The following TLE6 variants were observed in gnomAD, a reference collection of about 807,000 sequenced individuals.
The protein encoded by TLE6 is transducin-like enhancer protein 6.
Under a neutral mutation model 77.1 loss-of-function variants are expected in TLE6, and 72 were observed. The ratio of observed to expected loss-of-function variants is 0.93; its 90% confidence interval spans 0.77 to 1.14. The LOEUF is 1.14. Among genes scored for constraint, TLE6 ranks in the 50% most tolerant of loss-of-function variants. The probability of loss-of-function intolerance (pLI) is 0.00; values close to 1 mark genes in which losing one functional copy is unlikely to be tolerated. For missense variants in TLE6, 843 were observed against 747.6 expected (o/e 1.13, Z -1.49); for synonymous variants, 366 against 287.3 (o/e 1.27, Z -2.77).
rs766166831 is a variant in TLE6, at chr19:2,987,190, C to G, written c.493C>G (p.Arg165Gly). 11 of 1,614,054 alleles carry G rather than the reference C, an allele frequency of 6.8e-6. No individual in the cohort carries two copies. The highest frequency in any genetic ancestry group is 8.5e-6 in the Non-Finnish European group (10 of 1,180,034). ...WHDTLTEQLW[R>G]IFAGVHDEKA... Reference sequence around the variant, plus strand: ...CGACACTCTGACCGAGCAACTCTGGCGGATTTTTGCCGGCGTCCACGATGA... The same window carrying G: ...CGACACTCTGACCGAGCAACTCTGGGGGATTTTTGCCGGCGTCCACGATGA... Residue 165 changes from arginine to glycine, a missense_variant, in exon 7 of 17, where the codon CGG becomes GGG. Transcript: ENST00000246112.
intron 4 of TLE6, among the ~76,000 whole-genome samples, chr19:2,981,875 G>A (rs1023030247): frequency 2.0e-5 from 3 of 152,060 alleles, no homozygotes; most frequent in African/African-American, 7.2e-5. Context: ...GGGAGGCTGA[G>A]GCAGGAGAAT....
intron 8 of TLE6, 127 bp downstream of exon 8, chr19:2,987,499 C>T (rs1158574760): frequency 1.5e-5 from 21 of 1,410,114 alleles, no homozygotes; most frequent in Middle Eastern, 2.4e-4. Context: ...TCGGGTCCCC[C>T]GGGGGGGACT....
chr19:2,978,363 C>T (rs544968975), intron 2 of TLE6, 79 bp downstream of exon 2: 71 of 1,442,952 alleles, frequency 4.9e-5, no homozygotes, highest in Admixed American at 7.9e-5. Flanking sequence ...CCACCTGTGA[C>T]CTGGGCTGGC....
chr19:2,987,170 C>G lies in TLE6; in HGVS notation c.473C>G (p.Thr158Ser). The change falls in exon 7 of 17, where the codon ACT (threonine) becomes AGT (serine). Residue 158 changes from threonine (T) to serine (S), a missense_variant. Thr to Ser is a moderately conservative substitution (Grantham distance 58). Transcript: ENST00000246112. Reference sequence around the variant, plus strand: ...AAGGAGCCTTGGTTTTGGCACGACACTCTGACCGAGCAACTCTGGCGGATT... The same window carrying G: ...AAGGAGCCTTGGTTTTGGCACGACAGTCTGACCGAGCAACTCTGGCGGATT... ...WDKEPWFWHD[T>S]LTEQLWRIFA... 1 of 1,614,094 alleles carries G rather than the reference C, an allele frequency of 6.2e-7. No individual in the cohort carries two copies. Among genetic ancestry groups the G allele is most frequent in the Non-Finnish European group, 8.5e-7 (1 of 1,180,018 alleles).
rs757012552 is a variant in TLE6 at position 2,987,064 on chromosome 19, A to G, written c.367A>G (p.Ile123Val). ...KTLQESSFED[I>V]MATRSSDWLR... ...CCTGCAGGAGTCGAGCTTTGAGGAC[A>G]TCATGGCCACCAGGTCCTCCGACTG... Residue 123 changes from isoleucine to valine, a missense_variant, in exon 7 of 17, where the codon ATC (isoleucine) becomes GTC (valine). Physicochemically the swap from Ile to Val is conservative, Grantham distance 29 (BLOSUM62 3). Coordinates refer to ENST00000246112, the MANE Select transcript of TLE6 (RefSeq NM_001143986.2). The G allele has an allele frequency of 2.5e-6, 4 of 1,614,162 alleles. No individual in the cohort carries two copies. The highest frequency in any genetic ancestry group is 1.1e-5 in the South Asian group (1 of 91,090).
chr19:2,985,631 G>C (rs1035906604), intron 5 of TLE6, among the ~76,000 whole-genome samples: 2 of 145,658 alleles, frequency 1.4e-5, no homozygotes, highest in Middle Eastern at 3.7e-3. Flanking sequence ...ATGTTAGCCA[G>C]GATGGTCTCA....
chr19:2,990,970 G>C (rs542973217), intron 13 of TLE6, among the ~76,000 whole-genome samples: 1 of 151,448 alleles, frequency 6.6e-6, no homozygotes, highest in South Asian at 2.1e-4. Flanking sequence ...ACTCCAGCCT[G>C]GGTCACAGAG....
chr19:2,983,079 C>T (rs560643855), intron 5 of TLE6, among the ~76,000 whole-genome samples: 9 of 152,260 alleles, frequency 5.9e-5, no homozygotes, highest in African/African-American at 1.2e-4. Flanking sequence ...CAGGATTTTC[C>T]GCCTGTGCCA....
chr19:2,986,932 G>C, intron 6 of TLE6, 41 bp downstream of exon 6: 2 of 1,554,426 alleles, frequency 1.3e-6, no homozygotes, highest in Non-Finnish European at 1.7e-6. Context: ...GGACAGGCTT[G>C]GGTGAAGGCT....
chr19:2,988,384 C>T (rs1469243715), intron 11 of TLE6, among the ~76,000 whole-genome samples: 17 of 152,160 alleles, frequency 1.1e-4, no homozygotes, highest in Admixed American at 1.0e-3. Context: ...ATCACGAGGT[C>T]AGGAGATTGA....
rs1312880813 is a variant in TLE6, at chr19:2,993,441, C to T, written c.1396C>T (p.Leu466=). The T allele has an allele frequency of 3.7e-6, 6 of 1,601,852 alleles. No individual in the cohort carries two copies. Among genetic ancestry groups the T allele is most frequent in the Non-Finnish European group, 5.1e-6 (6 of 1,170,768 alleles). The change falls in exon 15 of 17, where the codon CTG becomes TTG. Residue 466 remains leucine (L), a synonymous_variant. Transcript: ENST00000246112. ...ACTGCCCATTACCTAGATAATGAGC[C>T]TGTCCCACAGCCCCCAGGAGGACTG... ...EYQFKSQIMS[L]SHSPQEDWVL...
At chr19:2,982,399 G>C (rs762545771) in intron 5 of TLE6, among the ~76,000 whole-genome samples, 1 of 151,626 alleles carries the variant, frequency 6.6e-6, no homozygotes, top group Admixed American at 6.6e-5. Context: ...TTAGCCAGGC[G>C]TGGTGGCGGG....
chr19:2,991,195 A>G (rs1483295677), intron 13 of TLE6, among the ~76,000 whole-genome samples: 1 of 150,170 alleles, frequency 6.7e-6, no homozygotes, highest in Admixed American at 6.7e-5. Context: ...CCCCATCTCT[A>G]CTAAAAATAC....
chr19:2,992,066 T>G, intron 14 of TLE6, 82 bp downstream of exon 14: 1 of 1,537,050 alleles, frequency 6.5e-7, no homozygotes, highest in Non-Finnish European at 8.9e-7. Context: ...CCGGGCTCCG[T>G]GGCTCACGCC....
At chr19:2,979,741 C>A (rs1193771667) in intron 2 of TLE6, among the ~76,000 whole-genome samples, 1 of 149,706 alleles carries the variant, frequency 6.7e-6, no homozygotes, top group African/African-American at 2.5e-5. Flanking sequence ...GAGGTTGAGA[C>A]CAGCCTGGCC....
intron 3 of TLE6, 36 bp downstream of exon 3, chr19:2,980,218 G>A: frequency 6.6e-7 from 1 of 1,525,508 alleles, no homozygotes; most frequent in Admixed American, 2.0e-5. Context: ...GTCTCACGCT[G>A]GGAAGGAGCC....
rs561219169 is a variant in TLE6 at position 2,990,530 on chromosome 19, G to C, written c.1244+745G>C. On this transcript the variant is annotated intron_variant, in intron 13 of 16. Coordinates refer to ENST00000246112, the MANE Select transcript of TLE6 (RefSeq NM_001143986.2). ...GAGGCAGGAGAATCCCTTGAACCCG[G>C]GAGGCGGAGCTTGCGGTGAGCCGAG... Among the ~76,000 whole-genome samples, 8 of 150,624 alleles carry C rather than the reference G, an allele frequency of 5.3e-5. No individual in the cohort carries two copies. The South Asian group carries it at 1.7e-3, about 31-fold the overall frequency.
At position 2,987,997 on chromosome 19, in the gene TLE6, T is replaced by G. The variant is rs574393581; in HGVS notation, c.702+23T>G. ...CAGGTGAGACCCAGGCCCGAGCTGGTAGCCCAGCGTGAAGGCTGCCCAGGG... is the reference window on the plus strand; with the variant it reads ...CAGGTGAGACCCAGGCCCGAGCTGGGAGCCCAGCGTGAAGGCTGCCCAGGG... On this transcript the variant is annotated intron_variant, in intron 10 of 16. Coordinates refer to ENST00000246112, the MANE Select transcript of TLE6 (RefSeq NM_001143986.2). 360 of 1,603,766 alleles carry G rather than the reference T, an allele frequency of 2.2e-4. 6 individuals carry two copies. In the South Asian group the frequency reaches 3.6e-3, roughly 16 times the overall value.
chr19:2,984,610 GGT>G (rs1259542481), intron 5 of TLE6, among the ~76,000 whole-genome samples: 5 of 152,088 alleles, frequency 3.3e-5, no homozygotes, highest in Admixed American at 2.6e-4. Flanking sequence ...TGGGATTACA[GGT>G]GTGTGTCACC....
Sources: gnomAD v4.1 joint callset for allele counts (sites outside exome capture counted in the v4.1 genomes callset) on GRCh38, gnomAD v4.1.1 for gene constraint, MANE v1.5 for transcripts, NCBI Gene and HGNC (gene_info 2026-07-23, HGNC 2026-07-21) for gene names.